CDH4: variants seen among roughly 807,000 people sequenced by gnomAD.
CDH4 encodes cadherin-4.
CDH4 carries 33 observed loss-of-function variants against 86.0 expected under a neutral mutation model. The observed-to-expected ratio is 0.38, with a 90% CI of 0.29 to 0.51. The LOEUF (loss-of-function observed/expected upper bound fraction) is 0.51, where lower values mean the gene tolerates loss of function less well. Among genes scored for constraint, CDH4 ranks in the 20% least tolerant of loss-of-function variants. The pLI is 0.86. For synonymous variants in CDH4, 555 were observed against 549.4 expected, an observed-to-expected ratio of 1.01 and a Z score of -0.14; for missense variants, 1,114 against 1,307.4, an observed-to-expected ratio of 0.85 and a Z score of 2.28.
chr20:61,535,149 C>T (rs2085987097), intron 2 of CDH4, among the ~76,000 whole-genome samples: 1 of 152,234 alleles, frequency 6.6e-6, no homozygotes, highest in African/African-American at 2.4e-5. Flanking sequence ...CTACTGAAAC[C>T]TGTGACTGGG....
intron 3 of CDH4, among the ~76,000 whole-genome samples, chr20:61,755,575 T>C (rs117473944): frequency 0.017 from 2,130 of 121,806 alleles, 27 homozygotes; most frequent in Middle Eastern, 0.059. Flanking sequence ...ACATGCCCCA[T>C]ACACACCACA....
chr20:61,877,512 C>T (rs902611989), intron 7 of CDH4, among the ~76,000 whole-genome samples: 3 of 152,156 alleles, frequency 2.0e-5, no homozygotes, highest in African/African-American at 4.8e-5. Flanking sequence ...GTGTTGCGGG[C>T]GCTGGCGTTC....
intron 2 of CDH4, among the ~76,000 whole-genome samples, chr20:61,374,177 C>T (rs2084854575): frequency 6.6e-6 from 1 of 152,198 alleles, no homozygotes; most frequent in African/African-American, 2.4e-5. Flanking sequence ...CACTAGCTCC[C>T]TGAGGAGCTC....
chr20:61,419,330 C>T (rs1043641070), intron 2 of CDH4, among the ~76,000 whole-genome samples: 24 of 152,228 alleles, frequency 1.6e-4, no homozygotes, highest in African/African-American at 3.9e-4. Flanking sequence ...CCTCCCATCA[C>T]GGCTGTTTCT....
chr20:61,507,147 A>G (rs2085746708), intron 2 of CDH4, among the ~76,000 whole-genome samples: 1 of 152,232 alleles, frequency 6.6e-6, no homozygotes, highest in South Asian at 2.1e-4. Context: ...TGCAACAACT[A>G]AAAATAAATA....
chr20:61,326,971 AGG>A (rs2084540161), intron 2 of CDH4, among the ~76,000 whole-genome samples: 2 of 152,184 alleles, frequency 1.3e-5, no homozygotes, highest in South Asian at 4.1e-4. Flanking sequence ...CCTGCTTGTC[AGG>A]TGCATTTTTA....
intron 2 of CDH4, among the ~76,000 whole-genome samples, chr20:61,713,238 G>C (rs75338252): frequency 0.016 from 2,404 of 152,310 alleles, 58 homozygotes; most frequent in African/African-American, 0.054. Flanking sequence ...TGTCCTCCAG[G>C]TTCAAGGTGC....
At chr20:61,483,382 G>C (rs750147566) in intron 2 of CDH4, among the ~76,000 whole-genome samples, 2 of 152,160 alleles carry the variant, frequency 1.3e-5, no homozygotes, top group Non-Finnish European at 2.9e-5. Flanking sequence ...AACCATGGGA[G>C]TCATCAGTGT....
At chr20:61,722,144 T>C (rs1276810546) in intron 2 of CDH4, among the ~76,000 whole-genome samples, 1 of 152,210 alleles carries the variant, frequency 6.6e-6, no homozygotes. Context: ...GCAGATTATT[T>C]TGGAAGTATC....
At chr20:61,325,646 G>A (rs1312394461) in intron 2 of CDH4, among the ~76,000 whole-genome samples, 2 of 152,020 alleles carry the variant, frequency 1.3e-5, no homozygotes, top group African/African-American at 4.8e-5. Context: ...CCAGGGTGGT[G>A]CGACTTGGGG....
intron 5 of CDH4, among the ~76,000 whole-genome samples, chr20:61,848,034 G>A (rs893572892): frequency 2.6e-5 from 4 of 152,244 alleles, no homozygotes; most frequent in African/African-American, 9.6e-5. Flanking sequence ...TATTCTTTCT[G>A]CCTAATGCAT....
intron 4 of CDH4, among the ~76,000 whole-genome samples, chr20:61,797,159 A>C (rs987351685): frequency 2.0e-5 from 3 of 152,116 alleles, no homozygotes; most frequent in Non-Finnish European, 4.4e-5. Flanking sequence ...AAGAACAATA[A>C]TGCCGTTGCC....
Position 61,531,790 on chromosome 20 carries a change from C to T in CDH4, c.170-211773C>T, listed in dbSNP as rs368057766. 1.3e-3 allele frequency among the ~76,000 whole-genome samples: 201 copies of T among 152,254 alleles called. 1 individual carries two copies. Among genetic ancestry groups the T allele is most frequent in the African/African-American group, 4.5e-3 (185 of 41,542 alleles). Reference sequence around the variant, plus strand: ...ATCAGCCTGACGCACAGGCCTGGAGCGAGTGCTCTCAGAATGCAGACTGGA... The same window carrying T: ...ATCAGCCTGACGCACAGGCCTGGAGTGAGTGCTCTCAGAATGCAGACTGGA... On this transcript the variant is annotated intron_variant, in intron 2 of 15. Coordinates refer to ENST00000614565, the MANE Select transcript of CDH4 (RefSeq NM_001794.5).
chr20:61,340,816 G>T (rs1036047044), intron 2 of CDH4, among the ~76,000 whole-genome samples: 37 of 152,052 alleles, frequency 2.4e-4, no homozygotes, highest in Non-Finnish European at 1.3e-4. Context: ...TAGCCCACTG[G>T]GTTGATACTT....
At chr20:61,621,466 T>C (rs1397483179) in intron 2 of CDH4, among the ~76,000 whole-genome samples, 3 of 152,258 alleles carry the variant, frequency 2.0e-5, no homozygotes, top group Admixed American at 1.3e-4. Flanking sequence ...TAATAAAGAA[T>C]TTTTTGGATA....
At chr20:61,662,724 G>T (rs1038454308) in intron 2 of CDH4, among the ~76,000 whole-genome samples, 1 of 152,176 alleles carries the variant, frequency 6.6e-6, no homozygotes, top group Non-Finnish European at 1.5e-5. Context: ...GCCAACACAG[G>T]GCGGCTCACC....
At chr20:61,587,282 G>T (rs941481721) in intron 2 of CDH4, among the ~76,000 whole-genome samples, 1 of 152,128 alleles carries the variant, frequency 6.6e-6, no homozygotes, top group East Asian at 1.9e-4. Context: ...GGCCGGGCAG[G>T]TGGACACTGT....
At chr20:61,813,005 G>A (rs1485250571) in intron 4 of CDH4, among the ~76,000 whole-genome samples, 2 of 152,192 alleles carry the variant, frequency 1.3e-5, no homozygotes, top group South Asian at 2.1e-4. Flanking sequence ...GAGGCTCTCC[G>A]GGCCGCAGGG....
chr20:61,700,833 A>G (rs1255704270), intron 2 of CDH4, among the ~76,000 whole-genome samples: 1 of 152,200 alleles, frequency 6.6e-6, no homozygotes, highest in African/African-American at 2.4e-5. Context: ...TGAGTGCCAC[A>G]TGAGTCTTGC....
Sources: gnomAD v4.1 joint callset for allele counts (sites outside exome capture counted in the v4.1 genomes callset) on GRCh38, gnomAD v4.1.1 for gene constraint, MANE v1.5 for transcripts, NCBI Gene and HGNC (gene_info 2026-07-23, HGNC 2026-07-21) for gene names.